Variants in TLL2 observed in about 807,000 individuals in gnomAD.
TLL2 encodes the protein tolloid-like protein 2.
TLL2 carries 106 observed loss-of-function variants against 123.0 expected under a neutral mutation model. That is an observed-to-expected ratio of 0.86 (90% confidence interval 0.74 to 1.01). TLL2 has a LOEUF of 1.01. Among genes scored for constraint, TLL2 ranks in the 50% least tolerant of loss-of-function variants. The pLI, the probability that TLL2 is intolerant of heterozygous loss-of-function variation, is 0.00. For missense variants in TLL2, 1,332 were observed against 1,336.7 expected (o/e 1.00, Z 0.06); for synonymous variants, 494 against 516.8 (o/e 0.96, Z 0.60).
chr10:96,454,011 GCACACACACA>G (rs138026221), intron 2 of TLL2, among the ~76,000 whole-genome samples: 1 of 149,944 alleles, frequency 6.7e-6, no homozygotes, highest in Non-Finnish European at 1.5e-5. Flanking sequence ...GTGTGCGCCT[GCACACACACA>G]CACACACACA....
intron 1 of TLL2, among the ~76,000 whole-genome samples, chr10:96,495,192 T>C (rs1361631382): frequency 6.6e-6 from 1 of 152,128 alleles, no homozygotes; most frequent in African/African-American, 2.4e-5. Context: ...GAACTAAATA[T>C]GTAGAATTCA....
rs545937817 is a variant in TLL2 at position 96,380,115 on chromosome 10, G to A, written c.2195-1023C>T. On this transcript the variant is annotated intron_variant, in intron 16 of 20. Transcript: ENST00000357947. ...TCCTCATTTCACAGGTTGTTGGGAG[G>A]GGTAAATTAATTAGAGCAGCATCCA... Among the ~76,000 whole-genome samples the A allele has an allele frequency of 7.2e-5, 11 of 152,308 alleles. No homozygotes were observed. The South Asian group carries it at 2.3e-3, about 32-fold the overall frequency.
rs186566099 is a variant in TLL2, at chr10:96,414,268, T to C, written c.924-952A>G. Among the ~76,000 whole-genome samples, 272 of 152,296 alleles carry C rather than the reference T, an allele frequency of 1.8e-3. 1 individual carries two copies. The highest frequency in any genetic ancestry group is 5.2e-3 in the African/African-American group (215 of 41,570). On this transcript the variant is annotated intron_variant, in intron 7 of 20. Transcript: ENST00000357947. The stretch of plus-strand genomic sequence containing the variant: ...TCCTCCAGTCACCACCTTGTTTTTT[T>C]CCTTCCCTTCTTAACCAAGTTTCTA...
intron 9 of TLL2, among the ~76,000 whole-genome samples, chr10:96,408,505 C>CCT (rs1846471327): frequency 6.6e-6 from 1 of 152,118 alleles, no homozygotes; most frequent in Non-Finnish European, 1.5e-5. Context: ...TATCACACAC[C>CCT]CTCTGCTGTG....
chr10:96,417,641 G>C (rs936986397), intron 7 of TLL2, among the ~76,000 whole-genome samples: 4 of 152,176 alleles, frequency 2.6e-5, no homozygotes, highest in Admixed American at 6.5e-5. Context: ...TTCCCCGCTT[G>C]CTCTCTTGGA....
chr10:96,440,786 G>C (rs1454369995), intron 3 of TLL2, among the ~76,000 whole-genome samples: 1 of 152,198 alleles, frequency 6.6e-6, no homozygotes, highest in Non-Finnish European at 1.5e-5. Flanking sequence ...CTTTGGTCCA[G>C]TGAGAAATTT....
rs188594315 is a variant in TLL2 at position 96,386,327 on chromosome 10, A to G, written c.1853-112T>C. On this transcript the variant is annotated intron_variant, in intron 14 of 20. Transcript: ENST00000357947. ...TTCTGTAATAATTTTAAAATGTTAG[A>G]CAATTTGAACTGATTAATTCAGTGT... The G allele has an allele frequency of 6.9e-5, 77 of 1,119,128 alleles. No individual in the cohort carries two copies. In the Admixed American group the frequency reaches 2.1e-3, roughly 31 times the overall value. The allele number at this position is 1,119,128 out of a possible 1,614,324, so 69.3% of individuals were successfully genotyped here.
intron 7 of TLL2, among the ~76,000 whole-genome samples, chr10:96,414,661 T>C (rs899647060): frequency 1.3e-5 from 2 of 152,328 alleles, no homozygotes; most frequent in East Asian, 3.9e-4. Context: ...GATCCTCTGC[T>C]GAGCCCCAGA....
chr10:96,481,999 T>G (rs1847316326), intron 1 of TLL2, among the ~76,000 whole-genome samples: 1 of 152,232 alleles, frequency 6.6e-6, no homozygotes, highest in African/African-American at 2.4e-5. Flanking sequence ...GGCTCACGCC[T>G]GTAATCCCAG....
chr10:96,476,241 T>TATATA (rs1554939631), intron 2 of TLL2, among the ~76,000 whole-genome samples: 3,380 of 71,432 alleles, frequency 0.047, 366 homozygotes, highest in Middle Eastern at 0.096. Context: ...TATATATATA[T>TATATA]TTTATTTTTG....
intron 6 of TLL2, 58 bp downstream of exon 6, chr10:96,422,491 C>T: frequency 6.3e-7 from 1 of 1,598,130 alleles, no homozygotes; most frequent in South Asian, 1.1e-5. Context: ...TCCCTCCTGT[C>T]CCTGAGGTTG....
At position 96,396,055 on chromosome 10, in the gene TLL2, G is replaced by A. The variant is rs369438129; in HGVS notation, c.1385-35C>T. On this transcript the variant is annotated intron_variant, in intron 11 of 20. Transcript: ENST00000357947. ...GAGACATCAGGAGAGGAAGACGGGG[G>A]CCCTGGTCAGATCTTACTTAGGAAG... 12 of 1,610,036 alleles carry A rather than the reference G, an allele frequency of 7.5e-6. No homozygotes were observed. The African/African-American group carries it at 1.5e-4, about 20-fold the overall frequency.
intron 13 of TLL2, among the ~76,000 whole-genome samples, chr10:96,388,719 C>G (rs1846259424): frequency 6.6e-6 from 1 of 152,224 alleles, no homozygotes; most frequent in East Asian, 1.9e-4. Context: ...CTGCCCTTTT[C>G]CAACTCAAAT....
chr10:96,485,784 G>T (rs1049726185), intron 1 of TLL2, among the ~76,000 whole-genome samples: 1 of 152,150 alleles, frequency 6.6e-6, no homozygotes, highest in African/African-American at 2.4e-5. Context: ...AGGTTGGTTT[G>T]GTCAAAGATG....
At chr10:96,389,806 G>A (rs1846268721) in intron 13 of TLL2, among the ~76,000 whole-genome samples, 1 of 152,254 alleles carries the variant, frequency 6.6e-6, no homozygotes, top group African/African-American at 2.4e-5. Context: ...CAAAAGCAAA[G>A]AAAATATAAT....
intron 19 of TLL2, 124 bp downstream of exon 19, chr10:96,373,472 C>G: frequency 2.3e-6 from 2 of 885,638 alleles, no homozygotes; most frequent in Non-Finnish European, 3.5e-6. Flanking sequence ...CATTTTATCA[C>G]GCACCTTCCT....
intron 17 of TLL2, among the ~76,000 whole-genome samples, chr10:96,378,763 A>T (rs569657659): frequency 2.6e-5 from 4 of 152,330 alleles, no homozygotes; most frequent in African/African-American, 9.6e-5. Context: ...ATAACAGCCT[A>T]GAGCACCTGA....
chr10:96,459,896 A>G (rs1847062731), intron 2 of TLL2, among the ~76,000 whole-genome samples: 1 of 151,230 alleles, frequency 6.6e-6, no homozygotes, highest in Non-Finnish European at 1.5e-5. Context: ...CTACCCCAAA[A>G]TAAAACCCAA....
intron 3 of TLL2, among the ~76,000 whole-genome samples, chr10:96,444,637 A>G (rs2134086546): frequency 6.6e-6 from 1 of 152,334 alleles, no homozygotes; most frequent in East Asian, 1.9e-4. Flanking sequence ...AGCATGCATA[A>G]CCTGGGAAAG....
Sources: allele counts gnomAD v4.1 joint callset (sites outside exome capture counted in the v4.1 genomes callset), GRCh38; gene constraint gnomAD v4.1.1; transcripts MANE v1.5; gene names NCBI Gene and HGNC (gene_info 2026-07-23, HGNC 2026-07-21).